NTRK3: variants seen among roughly 807,000 people sequenced by gnomAD.
The protein encoded by NTRK3 is NT-3 growth factor receptor.
A neutral mutation model predicts 91.7 loss-of-function variants in NTRK3; 24 were observed. The observed-to-expected ratio is 0.26, with a 90% CI of 0.19 to 0.37. The LOEUF is 0.37. Ranked by LOEUF, NTRK3 falls within the 10% of genes least tolerant of loss-of-function variation. The pLI is 1.00. For missense variants in NTRK3, 880 were observed against 1,068.9 expected, an observed-to-expected ratio of 0.82 and a Z score of 2.46; for synonymous variants, 483 against 404.0, an observed-to-expected ratio of 1.20 and a Z score of -2.34.
intron 13 of NTRK3, among the ~76,000 whole-genome samples, chr15:88,099,787 A>G (rs1317059967): frequency 2.0e-5 from 3 of 152,224 alleles, no homozygotes. Context: ...AAGTGCTCAC[A>G]TGAACAAAAA....
chr15:87,985,121 G>A (rs534462781), intron 14 of NTRK3, among the ~76,000 whole-genome samples: 132 of 152,280 alleles, frequency 8.7e-4, no homozygotes, highest in Non-Finnish European at 1.6e-3. Context: ...ACAGCAGAGG[G>A]ACAAACCTAT....
chr15:88,004,450 C>T (rs1044373685), intron 14 of NTRK3, among the ~76,000 whole-genome samples: 7 of 152,176 alleles, frequency 4.6e-5, no homozygotes, highest in African/African-American at 1.7e-4. Flanking sequence ...CCAAACCATT[C>T]AGTCTAGAAA....
intron 6 of NTRK3, among the ~76,000 whole-genome samples, chr15:88,144,435 T>C (rs1015651883): frequency 2.6e-5 from 4 of 152,106 alleles, no homozygotes; most frequent in Non-Finnish European, 5.9e-5. Flanking sequence ...GCAGGAACTC[T>C]GAGATGGTAA....
intron 17 of NTRK3, among the ~76,000 whole-genome samples, chr15:87,902,727 A>C (rs914060870): frequency 1.3e-5 from 2 of 152,184 alleles, no homozygotes; most frequent in Non-Finnish European, 2.9e-5. Context: ...CAGCTGAAAA[A>C]ATCCTGAGAA....
At chr15:88,116,397 C>G (rs2052071588) in intron 13 of NTRK3, among the ~76,000 whole-genome samples, 1 of 150,902 alleles carries the variant, frequency 6.6e-6, no homozygotes, top group Admixed American at 6.6e-5. Context: ...TCAGCCTGGC[C>G]AACATGGTGA....
intron 14 of NTRK3, chr15:87,981,427 G>T: frequency 6.2e-7 from 1 of 1,611,926 alleles, no homozygotes; most frequent in Non-Finnish European, 8.5e-7. Context: ...AAAAACATGG[G>T]AAAGTATTTT....
intron 14 of NTRK3, among the ~76,000 whole-genome samples, chr15:88,011,801 G>C (rs937547515): frequency 6.6e-6 from 1 of 152,128 alleles, no homozygotes; most frequent in Admixed American, 6.5e-5. Context: ...CCCTCCCTTC[G>C]CCTGCCACTG....
intron 14 of NTRK3, among the ~76,000 whole-genome samples, chr15:87,968,026 A>T (rs1010056109): frequency 6.6e-6 from 1 of 152,118 alleles, no homozygotes; most frequent in Non-Finnish European, 1.5e-5. Context: ...TGGGCTCAAG[A>T]CCCTTTCAGG....
At position 87,913,701 on chromosome 15, in the gene NTRK3, G is replaced by C. The variant is rs149764460; in HGVS notation, c.2133+15490C>G. On this transcript the variant is annotated intron_variant, in intron 17 of 18. Transcript: ENST00000394480. The stretch of plus-strand genomic sequence containing the variant: ...GGTGTGAAAGCAATTCAGTGACATG[G>C]GAAGCATTAGGGGCTGTAATAAAGT... Among the ~76,000 whole-genome samples, 212 of 152,310 alleles carry C rather than the reference G, an allele frequency of 1.4e-3. 3 individuals carry two copies. The East Asian group carries it at 0.036, about 26-fold the overall frequency.
chr15:87,996,572 C>T (rs1023242586), intron 14 of NTRK3, among the ~76,000 whole-genome samples: 5 of 152,116 alleles, frequency 3.3e-5, no homozygotes, highest in Admixed American at 1.3e-4. Flanking sequence ...AGGAGAGCAA[C>T]GGAAAAGAAG....
At chr15:87,980,514 T>C (rs1346376042) in intron 14 of NTRK3, among the ~76,000 whole-genome samples, 1 of 152,184 alleles carries the variant, frequency 6.6e-6, no homozygotes, top group African/African-American at 2.4e-5. Context: ...TATGTGCGAA[T>C]ATATGTGTGT....
intron 17 of NTRK3, among the ~76,000 whole-genome samples, chr15:87,914,927 G>A (rs1250168677): frequency 6.6e-6 from 1 of 152,152 alleles, no homozygotes; most frequent in African/African-American, 2.4e-5. Context: ...ATTTTTCCAG[G>A]GTGTACATGG....
chr15:87,888,944 G>A (rs1213134861), intron 17 of NTRK3, among the ~76,000 whole-genome samples: 1 of 152,050 alleles, frequency 6.6e-6, no homozygotes, highest in Non-Finnish European at 1.5e-5. Context: ...CACTCCTTTT[G>A]GCTCTGCCTC....
At chr15:88,037,526 G>A (rs1228433915) in intron 13 of NTRK3, among the ~76,000 whole-genome samples, 1 of 152,144 alleles carries the variant, frequency 6.6e-6, no homozygotes, top group Non-Finnish European at 1.5e-5. Flanking sequence ...GGCACCCACT[G>A]CACTCTAGCC....
chr15:88,135,226 T>A (rs778460949), exon 10 of NTRK3: 4 of 1,614,218 alleles, frequency 2.5e-6, no homozygotes, highest in Non-Finnish European at 3.4e-6. Flanking sequence ...CAGGCAGCCC[T>A]CGGAAATCTC....
Position 87,933,000 on chromosome 15 carries a change from A to G in NTRK3, c.1889+12T>C, listed in dbSNP as rs781021330. On this transcript the variant is annotated intron_variant, in intron 16 of 18. Coordinates refer to ENST00000394480, the Ensembl canonical transcript of NTRK3. ...CTGGGGTCAGGTGCAGGGGAAGACA[A>G]TCCTTGCTTACCTGAGGAACTTATT... 2 of 1,613,832 alleles carry G rather than the reference A, an allele frequency of 1.2e-6. No individual in the cohort carries two copies. The highest frequency in any genetic ancestry group is 4.5e-5 in the East Asian group (2 of 44,856).
intron 13 of NTRK3, among the ~76,000 whole-genome samples, chr15:88,092,657 T>C (rs149627387): frequency 3.6e-4 from 55 of 152,344 alleles, no homozygotes; most frequent in African/African-American, 1.2e-3. Flanking sequence ...CAATCAGTAT[T>C]GCTGTTCTGA....
At chr15:88,167,859 T>C (rs992310246) in intron 5 of NTRK3, among the ~76,000 whole-genome samples, 1 of 152,150 alleles carries the variant, frequency 6.6e-6, no homozygotes, top group Admixed American at 6.5e-5. Context: ...CTCCATAAAA[T>C]TCTGATATGA....
chr15:88,214,568 A>G (rs1274398236), intron 3 of NTRK3, among the ~76,000 whole-genome samples: 2 of 151,992 alleles, frequency 1.3e-5, no homozygotes, highest in African/African-American at 4.8e-5. Flanking sequence ...TTACAAGGAC[A>G]CTACTGAACC....
Sources: allele counts gnomAD v4.1 joint callset (sites outside exome capture counted in the v4.1 genomes callset), GRCh38; gene constraint gnomAD v4.1.1; transcripts MANE v1.5; gene names NCBI Gene and HGNC (gene_info 2026-07-23, HGNC 2026-07-21).